The following FRMD4A variants were observed in gnomAD, a reference collection of about 807,000 sequenced individuals.
The protein encoded by FRMD4A is FERM domain containing 4A.
FRMD4A carries 29 observed loss-of-function variants against 129.1 expected under a neutral mutation model. The observed-to-expected ratio is 0.22, with a 90% CI of 0.17 to 0.31. The LOEUF (loss-of-function observed/expected upper bound fraction) is 0.31. Among genes scored for constraint, FRMD4A ranks in the 10% least tolerant of loss-of-function variants. The probability of loss-of-function intolerance (pLI) is 1.00; values close to 1 mark genes in which losing one functional copy is unlikely to be tolerated. For synonymous variants in FRMD4A, 634 were observed against 571.6 expected (o/e 1.11, Z -1.56); for missense variants, 1,272 against 1,375.8 (o/e 0.92, Z 1.19).
At chr10:14,143,823 G>T (rs1280270597) in intron 2 of FRMD4A, among the ~76,000 whole-genome samples, 1 of 152,022 alleles carries the variant, frequency 6.6e-6, no homozygotes, top group East Asian at 1.9e-4. Flanking sequence ...TGACCAGGCT[G>T]GTCTTGAACT....
intron 8 of FRMD4A, among the ~76,000 whole-genome samples, chr10:13,756,848 T>G (rs1444968440): frequency 6.6e-6 from 1 of 152,212 alleles, no homozygotes; most frequent in Non-Finnish European, 1.5e-5. Flanking sequence ...CAGTACAGTG[T>G]TGCAATGAGA....
chr10:13,755,736 C>T (rs999815588), intron 8 of FRMD4A, among the ~76,000 whole-genome samples: 1 of 152,194 alleles, frequency 6.6e-6, no homozygotes, highest in Non-Finnish European at 1.5e-5. Flanking sequence ...ACTGACACCA[C>T]AGGTATACAC....
At chr10:13,890,083 G>C (rs1467276163) in intron 2 of FRMD4A, among the ~76,000 whole-genome samples, 6 of 152,206 alleles carry the variant, frequency 3.9e-5, no homozygotes, top group Non-Finnish European at 8.8e-5. Flanking sequence ...TAGGTTGCAA[G>C]AGACAAGTAA....
intron 2 of FRMD4A, among the ~76,000 whole-genome samples, chr10:13,963,681 ATAT>A (rs2095462741): frequency 6.6e-6 from 1 of 152,228 alleles, no homozygotes; most frequent in Non-Finnish European, 1.5e-5. Context: ...TTTCAAAAGC[ATAT>A]TTTCTATAAA....
At chr10:14,099,717 T>C (rs1837199072) in intron 2 of FRMD4A, among the ~76,000 whole-genome samples, 1 of 152,248 alleles carries the variant, frequency 6.6e-6, no homozygotes, top group Non-Finnish European at 1.5e-5. Flanking sequence ...TGGTGTAATT[T>C]TTAATGGTCC....
At chr10:13,794,660 T>C (rs549945330) in intron 5 of FRMD4A, among the ~76,000 whole-genome samples, 10 of 152,326 alleles carry the variant, frequency 6.6e-5, no homozygotes, top group African/African-American at 2.2e-4. Context: ...TTCTGCCAGA[T>C]GGCGTGTATA....
At chr10:14,137,430 T>G (rs1839596317) in intron 2 of FRMD4A, among the ~76,000 whole-genome samples, 1 of 152,202 alleles carries the variant, frequency 6.6e-6, no homozygotes. Context: ...TTGAGTTGAT[T>G]TGGTGTCTTC....
intron 2 of FRMD4A, among the ~76,000 whole-genome samples, chr10:13,969,415 T>A (rs984362705): frequency 6.6e-6 from 1 of 152,190 alleles, no homozygotes; most frequent in Admixed American, 6.5e-5. Context: ...TTGAACTGAG[T>A]CATGCTTGAG....
Position 13,737,721 on chromosome 10 carries a change from T to G in FRMD4A, c.759+123A>C, listed in dbSNP as rs2090725191. ...TTGCTGTGGAGTAATTTGTATACAC[T>G]AAAATTAGCAGGAGATTGGTGAGCC... On this transcript the variant is annotated intron_variant, in intron 12 of 24. Transcript: ENST00000357447. 3 of 630,226 alleles carry G rather than the reference T, an allele frequency of 4.8e-6. No individual in the cohort carries two copies. The South Asian group carries it at 5.9e-5, about 12-fold the overall frequency. 39.0% of individuals were successfully genotyped at this position (630,226 alleles called of 1,614,324 possible).
intron 1 of FRMD4A, 140 bp downstream of exon 1, chr10:14,330,457 C>T (rs1039800472): frequency 5.0e-6 from 2 of 402,904 alleles, no homozygotes; most frequent in Non-Finnish European, 4.4e-6. Flanking sequence ...CTACCTTCGC[C>T]CTGGCAGCAA....
At chr10:14,049,249 C>A (rs117726539) in intron 2 of FRMD4A, among the ~76,000 whole-genome samples, 1 of 152,060 alleles carries the variant, frequency 6.6e-6, no homozygotes, top group Non-Finnish European at 1.5e-5. Context: ...GCAATTAAAC[C>A]GATTATAATT....
At chr10:13,886,912 G>A (rs1280355101) in intron 2 of FRMD4A, among the ~76,000 whole-genome samples, 1 of 152,186 alleles carries the variant, frequency 6.6e-6, no homozygotes, top group Admixed American at 6.5e-5. Context: ...GCCACGGATT[G>A]GCAAATAATT....
intron 3 of FRMD4A, among the ~76,000 whole-genome samples, chr10:13,848,391 T>C (rs980010808): frequency 2.0e-5 from 3 of 151,672 alleles, no homozygotes; most frequent in African/African-American, 7.3e-5. Context: ...CAATTTCAAA[T>C]GGTTTCAATG....
intron 15 of FRMD4A, among the ~76,000 whole-genome samples, chr10:13,681,198 C>G (rs937207165): frequency 5.9e-5 from 9 of 152,204 alleles, no homozygotes; most frequent in Non-Finnish European, 8.8e-5. Flanking sequence ...TAACTTCTAG[C>G]CTTCTGCCAG....
intron 14 of FRMD4A, among the ~76,000 whole-genome samples, chr10:13,698,086 T>TGGAGGGAGGGAGGGAGGGAG (rs11268822): frequency 2.8e-4 from 42 of 149,148 alleles, no homozygotes; most frequent in African/African-American, 3.5e-4. Flanking sequence ...GGAGAGCTGA[T>TGGAGGGAGGGAGGGAGGGAG]GGAGGGAGGG....
At chr10:13,846,033 G>GA (rs2094040007) in intron 3 of FRMD4A, among the ~76,000 whole-genome samples, 1 of 152,106 alleles carries the variant, frequency 6.6e-6, no homozygotes, top group Non-Finnish European at 1.5e-5. Context: ...TTCCTCATCT[G>GA]AAAAAATGGG....
At chr10:13,889,566 A>C (rs141533247) in intron 2 of FRMD4A, among the ~76,000 whole-genome samples, 303 of 152,318 alleles carry the variant, frequency 2.0e-3, no homozygotes, top group Middle Eastern at 6.8e-3. Flanking sequence ...ACTTGATAAC[A>C]ATGTCTGCAA....
rs574371167 is a variant in FRMD4A at position 14,008,094 on chromosome 10, G to A, written c.46-149182C>T. On this transcript the variant is annotated intron_variant, in intron 2 of 24. Coordinates refer to ENST00000357447, the MANE Select transcript of FRMD4A (RefSeq NM_018027.5). ...GCTGCGCCTTCTCAGAGATCCATAA[G>A]GAATTTTCAGTAAAAGTCTTTGGGA... 16 of 1,301,934 alleles carry A rather than the reference G, an allele frequency of 1.2e-5. No homozygotes were observed. In the East Asian group the frequency reaches 9.0e-4, roughly 73 times the overall value. 80.6% of individuals were successfully genotyped at this position (1,301,934 alleles called of 1,614,324 possible).
chr10:13,828,930 G>A (rs560432779), intron 3 of FRMD4A, among the ~76,000 whole-genome samples: 2 of 152,194 alleles, frequency 1.3e-5, no homozygotes, highest in East Asian at 1.9e-4. Flanking sequence ...ACAAGTGCAG[G>A]TATCTTTTTG....
Sources: gnomAD v4.1 joint callset for allele counts (sites outside exome capture counted in the v4.1 genomes callset) on GRCh38, gnomAD v4.1.1 for gene constraint, MANE v1.5 for transcripts, NCBI Gene and HGNC (gene_info 2026-07-23, HGNC 2026-07-21) for gene names.